Variants in PTPN12 observed in about 807,000 individuals in gnomAD.
PTPN12 encodes the protein tyrosine-protein phosphatase non-receptor type 12.
A neutral mutation model predicts 97.6 loss-of-function variants in PTPN12; 29 were observed. That is an observed-to-expected ratio of 0.30 (90% confidence interval 0.22 to 0.41). The LOEUF (loss-of-function observed/expected upper bound fraction) is 0.41. PTPN12 is among the 10% of genes least tolerant of loss of function. The pLI is 1.00. For synonymous variants in PTPN12, 327 were observed against 300.4 expected, an observed-to-expected ratio of 1.09 and a Z score of -0.91; for missense variants, 819 against 926.0, an observed-to-expected ratio of 0.88 and a Z score of 1.50.
At chr7:77,537,772 C>G in intron 1 of PTPN12, 127 bp downstream of exon 1, 4 of 1,018,508 alleles carry the variant, frequency 3.9e-6, no homozygotes, top group Non-Finnish European at 5.3e-6. Flanking sequence ...GCGCACCAGC[C>G]GGGTGAGCCG....
rs766487217 is a variant in PTPN12, at chr7:77,610,836, A to G, written c.834A>G (p.Gln278=). 1.5e-5 allele frequency: 24 copies of G among 1,606,620 alleles called. No individual in the cohort carries two copies. In the South Asian group the frequency reaches 2.7e-4, roughly 18 times the overall value. The change falls in exon 10 of 18, where the codon CAA becomes CAG. Residue 278 remains glutamine, a synonymous_variant. Transcript: ENST00000248594. ...GAACACAAAGGCATTCTGCAGTACA[A>G]ACAAAGGTATAGTTGTTTGTTTCCC... ...EMRTQRHSAV[Q]TKEQYELVHR...
At chr7:77,599,085 A>G (rs1788111297) in intron 7 of PTPN12, among the ~76,000 whole-genome samples, 1 of 151,650 alleles carries the variant, frequency 6.6e-6, no homozygotes, top group South Asian at 2.1e-4. Flanking sequence ...ATCACATTAC[A>G]TAAAAAGTAA....
At chr7:77,605,018 A>G (rs1298525762) in intron 8 of PTPN12, 1 of 194,722 alleles carries the variant, frequency 5.1e-6, no homozygotes, top group African/African-American at 2.4e-5. Flanking sequence ...TCTTTATGTT[A>G]TACTTTTAAC....
chr7:77,593,986 G>A (rs1177368460), intron 6 of PTPN12, among the ~76,000 whole-genome samples: 1 of 152,088 alleles, frequency 6.6e-6, no homozygotes, highest in African/African-American at 2.4e-5. Context: ...CATACCCAAA[G>A]TTTAGTGCTT....
chr7:77,604,330 CT>C (rs1788290194), intron 8 of PTPN12, among the ~76,000 whole-genome samples: 1 of 146,594 alleles, frequency 6.8e-6, no homozygotes, highest in Non-Finnish European at 1.5e-5. Context: ...ATTCTCCTGC[CT>C]CAGCCTCCCG....
chr7:77,554,607 G>A (rs575947989), intron 1 of PTPN12, among the ~76,000 whole-genome samples: 26 of 152,170 alleles, frequency 1.7e-4, no homozygotes, highest in African/African-American at 5.5e-4. Flanking sequence ...TTCCAGACTA[G>A]AATAATTTGT....
chr7:77,553,031 C>G (rs1450600536), intron 1 of PTPN12, among the ~76,000 whole-genome samples: 2 of 152,110 alleles, frequency 1.3e-5, no homozygotes, highest in African/African-American at 2.4e-5. Context: ...GTGACAGAGA[C>G]AGAAAGAATG....
chr7:77,618,705 C>G (rs759697110), intron 12 of PTPN12, 140 bp downstream of exon 12: 1 of 588,896 alleles, frequency 1.7e-6, no homozygotes, highest in Non-Finnish European at 2.8e-6. Context: ...ATACGTATGA[C>G]AACTGATTTG....
In PTPN12 at chr7:77,625,495, C is replaced by T. The variant is rs1234897198; in HGVS notation, c.1026-1210C>T. Among the ~76,000 whole-genome samples the T allele has an allele frequency of 8.6e-5, 9 of 105,078 alleles. 1 individual carries two copies. Among genetic ancestry groups the T allele is most frequent in the African/African-American group, 3.4e-4 (9 of 26,098 alleles). The allele number at this position is 105,078 out of a possible 152,430, so 68.9% of individuals were successfully genotyped here. On this transcript the variant is annotated intron_variant, in intron 12 of 17. Transcript: ENST00000248594. ...TCGCTCTCTCTCTCTCTCTCTCTCT[C>T]TCTCTCTCTCTCTCTCTCTCTCTCT...
chr7:77,637,167 A>G (rs1392589493), intron 16 of PTPN12, 119 bp downstream of exon 16: 1 of 792,352 alleles, frequency 1.3e-6, no homozygotes, highest in Non-Finnish European at 2.0e-6. Context: ...AATGTCTAGG[A>G]CAACTCTTGT....
rs1205406664 is a variant in PTPN12, at chr7:77,638,661, A to G, written c.2211A>G (p.Ile737Met). 3 of 1,607,234 alleles carry G rather than the reference A, an allele frequency of 1.9e-6. No homozygotes were observed. The highest frequency in any genetic ancestry group is 1.7e-5 in the Admixed American group (1 of 58,310). ...GAGGTATTCACTATGAAATGTGCATAGAATGTCCACCTACTTTCAGTGACA... is the reference window on the plus strand; with the variant it reads ...GAGGTATTCACTATGAAATGTGCATGGAATGTCCACCTACTTTCAGTGACA... ...PAGGIHYEMC[I>M]ECPPTFSDKR... Residue 737 changes from isoleucine to methionine, a missense_variant, in exon 17 of 18, where the codon ATA becomes ATG. Ile to Met is a conservative substitution (Grantham distance 10, BLOSUM62 1). Around this residue, in one of 5 missense-constraint regions of PTPN12, gnomAD observed 607 missense variants for 577.3 expected, o/e 1.05. Coordinates refer to ENST00000248594, the MANE Select transcript of PTPN12 (RefSeq NM_002835.4).
In PTPN12 at chr7:77,542,612, G is replaced by A. The variant is rs190242097; in HGVS notation, c.99+4967G>A. On this transcript the variant is annotated intron_variant, in intron 1 of 17. Coordinates refer to ENST00000248594, the MANE Select transcript of PTPN12 (RefSeq NM_002835.4). Reference sequence around the variant, plus strand: ...AGTCTCAATGATTCATTAGATGTAGGTAGTAAAGAAGAAAAGAGTATAGTG... The same window carrying A: ...AGTCTCAATGATTCATTAGATGTAGATAGTAAAGAAGAAAAGAGTATAGTG... 6.0e-4 allele frequency among the ~76,000 whole-genome samples: 92 copies of A among 152,236 alleles called. No homozygotes were observed. The Middle Eastern group carries it at 0.01, about 17-fold the overall frequency.
chr7:77,614,543 C>T (rs1303796028), intron 11 of PTPN12, among the ~76,000 whole-genome samples: 1 of 152,104 alleles, frequency 6.6e-6, no homozygotes, highest in Admixed American at 6.6e-5. Flanking sequence ...TGAGAGAAAT[C>T]TCTCCATAGA....
At chr7:77,565,866 T>A (rs2151313164) in intron 1 of PTPN12, among the ~76,000 whole-genome samples, 1 of 152,368 alleles carries the variant, frequency 6.6e-6, no homozygotes, top group African/African-American at 2.4e-5. Flanking sequence ...ATTCTTCAAT[T>A]TGTAATGAGA....
chr7:77,607,899 G>A (rs967060977), intron 9 of PTPN12, among the ~76,000 whole-genome samples: 1 of 152,090 alleles, frequency 6.6e-6, no homozygotes, highest in Non-Finnish European at 1.5e-5. Context: ...GATTACAGGT[G>A]CCTGCCATCA....
At chr7:77,612,340 ATCC>A (rs1352006033) in intron 11 of PTPN12, among the ~76,000 whole-genome samples, 1 of 152,216 alleles carries the variant, frequency 6.6e-6, no homozygotes, top group Non-Finnish European at 1.5e-5. Flanking sequence ...GTGCAAGGAA[ATCC>A]TCCTACAATG....
rs58355876 is a variant in PTPN12 at position 77,607,746 on chromosome 7, CT to C, written c.762+458del. Among the ~76,000 whole-genome samples, 577 of 142,604 alleles carry C rather than the reference CT, an allele frequency of 4.0e-3. 3 individuals are homozygous for C. Among genetic ancestry groups the C allele is most frequent in the East Asian group, 0.017 (84 of 5,008 alleles). 93.6% of individuals were successfully genotyped at this position (142,604 alleles called of 152,430 possible). ...TTTTCCAATACTAAATTTTCATTGCCTTTTTTTTTTTTTCTTTTTTTTCCGA... is the reference window on the plus strand; with the variant it reads ...TTTTCCAATACTAAATTTTCATTGCCTTTTTTTTTTTTCTTTTTTTTCCGA... On this transcript the variant is annotated intron_variant, in intron 9 of 17. Transcript: ENST00000248594.
chr7:77,563,674 CT>C (rs1415122235), intron 1 of PTPN12, among the ~76,000 whole-genome samples: 2 of 152,046 alleles, frequency 1.3e-5, no homozygotes, highest in Non-Finnish European at 2.9e-5. Flanking sequence ...TTCAAAGTTA[CT>C]TTCTTTATTA....
chr7:77,622,273 G>A (rs1410284525), intron 12 of PTPN12, among the ~76,000 whole-genome samples: 1 of 152,070 alleles, frequency 6.6e-6, no homozygotes, highest in African/African-American at 2.4e-5. Context: ...AGTTCTTCCA[G>A]TTCTTAAAAG....
Sources: allele counts gnomAD v4.1 joint callset (sites outside exome capture counted in the v4.1 genomes callset), GRCh38; gene constraint gnomAD v4.1.1; regional missense constraint gnomAD v4.1.1; transcripts MANE v1.5; gene names NCBI Gene and HGNC (gene_info 2026-07-23, HGNC 2026-07-21).